EPB41L3: variants seen among roughly 807,000 people sequenced by gnomAD.
EPB41L3 encodes erythrocyte membrane protein band 4.1 like 3, also known as band 4.1-like protein 3.
EPB41L3 carries 57 observed loss-of-function variants against 127.1 expected under a neutral mutation model. The observed-to-expected ratio is 0.45, with a 90% CI of 0.36 to 0.56. EPB41L3 has a LOEUF of 0.56. Ranked by LOEUF, EPB41L3 falls within the 20% of genes least tolerant of loss-of-function variation. The pLI is 0.00. For missense variants in EPB41L3, 1,273 were observed against 1,372.2 expected (o/e 0.93, Z 1.14); for synonymous variants, 572 against 549.5 (o/e 1.04, Z -0.57).
At chr18:5,434,583 G>A in intron 6 of EPB41L3, among the ~76,000 whole-genome samples, 1 of 152,174 alleles carries the variant, frequency 6.6e-6, no homozygotes, top group East Asian at 1.9e-4. Context: ...GTGGTCCCAT[G>A]AGATTATAAT....
At chr18:5,629,954 C>G (rs1020557354), upstream of EPB41L3, among the ~76,000 whole-genome samples, 13 of 152,134 alleles carry the variant, frequency 8.5e-5, 1 homozygote, top group Non-Finnish European at 1.5e-4. Context: ...AGGAGTTGCC[C>G]GAGCGGAGAG....
At chr18:5,454,785 T>C (rs576444215) in intron 3 of EPB41L3, among the ~76,000 whole-genome samples, 3 of 152,392 alleles carry the variant, frequency 2.0e-5, no homozygotes, top group East Asian at 1.9e-4. Context: ...AACTACTTCC[T>C]GGTCTTGGTA....
chr18:5,596,703 T>C (rs1392416733), intron 3 of EPB41L3, among the ~76,000 whole-genome samples: 1 of 152,200 alleles, frequency 6.6e-6, no homozygotes, highest in African/African-American at 2.4e-5. Flanking sequence ...TTCCTCTAAA[T>C]GATAAATATC....
intron 1 of EPB41L3, among the ~76,000 whole-genome samples, chr18:5,524,647 A>G (rs977649813): frequency 2.6e-5 from 4 of 152,124 alleles, no homozygotes; most frequent in Non-Finnish European, 5.9e-5. Flanking sequence ...ACGTAATTCA[A>G]TCTCTCTTCT....
chr18:5,436,547 T>C (rs1041899168), intron 6 of EPB41L3, among the ~76,000 whole-genome samples: 2 of 151,818 alleles, frequency 1.3e-5, no homozygotes, highest in African/African-American at 2.4e-5. Flanking sequence ...TAGCTGGGAC[T>C]TCAGGCGCCC....
At chr18:5,525,328 G>A (rs2093178577) in intron 1 of EPB41L3, among the ~76,000 whole-genome samples, 2 of 152,178 alleles carry the variant, frequency 1.3e-5, no homozygotes, top group South Asian at 4.1e-4. Context: ...CCAGCACTGG[G>A]ATTTTGAAAC....
chr18:5,508,766 CAA>C (rs397969769), intron 1 of EPB41L3, among the ~76,000 whole-genome samples: 437 of 52,516 alleles, frequency 8.3e-3, no homozygotes, highest in African/African-American at 0.024. Flanking sequence ...GACTCCATCT[CAA>C]AAAAAAAAAA....
chr18:5,590,596 G>C (rs537464867), intron 3 of EPB41L3, among the ~76,000 whole-genome samples: 51 of 151,774 alleles, frequency 3.4e-4, no homozygotes, highest in Non-Finnish European at 6.5e-4. Context: ...AAACACACAT[G>C]TTGCACATGA....
chr18:5,553,892 C>T (rs948351783), intron 3 of EPB41L3, among the ~76,000 whole-genome samples: 5 of 152,186 alleles, frequency 3.3e-5, no homozygotes, highest in Non-Finnish European at 5.9e-5. Flanking sequence ...GTTATCTGCC[C>T]TCACCCCAAC....
In EPB41L3 at chr18:5,416,378, A is replaced by G. The variant is rs753296952; in HGVS notation, c.1507T>C (p.Ser503Pro). 1 of 1,609,390 alleles carries G rather than the reference A, an allele frequency of 6.2e-7. No homozygotes were observed. Among genetic ancestry groups the G allele is most frequent in the African/African-American group, 1.3e-5 (1 of 74,860 alleles). The change falls in exon 13 of 23, where the codon TCA becomes CCA. Residue 503 changes from serine (S) to proline (P), a missense_variant and splice_region_variant. By Grantham distance (74) the Ser-to-Pro change is moderately conservative. Coordinates refer to ENST00000341928, the MANE Select transcript of EPB41L3 (RefSeq NM_012307.5). ...PISAIRHEGK[S>P]PGLGTDSCPL... is the part of the protein sequence containing the mutation. ...CATGAGTCAGTGCCAAGCCCAGGTG[A>G]CTGATGTGAAAGAGACAGAAAGAGA...
intron 1 of EPB41L3, among the ~76,000 whole-genome samples, chr18:5,506,743 T>C (rs1598428062): frequency 6.6e-6 from 1 of 152,174 alleles, no homozygotes; most frequent in Non-Finnish European, 1.5e-5. Flanking sequence ...ATCTGCTGAA[T>C]GTATGAACTC....
At chr18:5,547,784 G>C (rs1442139497), upstream of EPB41L3, among the ~76,000 whole-genome samples, 3 of 152,122 alleles carry the variant, frequency 2.0e-5, no homozygotes, top group Non-Finnish European at 4.4e-5. Flanking sequence ...ATGAGTAACT[G>C]GTATTCTGCT....
chr18:5,529,928 A>ATGTATG (rs374864271), intron 1 of EPB41L3, among the ~76,000 whole-genome samples: 4 of 146,772 alleles, frequency 2.7e-5, no homozygotes, highest in African/African-American at 1.0e-4. Flanking sequence ...CAACTCATAT[A>ATGTATG]TGTGTGTGTG....
At chr18:5,593,561 A>G (rs2094506854) in intron 3 of EPB41L3, among the ~76,000 whole-genome samples, 1 of 152,206 alleles carries the variant, frequency 6.6e-6, no homozygotes, top group African/African-American at 2.4e-5. Context: ...CGAAATTAAA[A>G]TTGCTAATGA....
At chr18:5,443,447 C>T (rs905144284) in intron 5 of EPB41L3, among the ~76,000 whole-genome samples, 2 of 152,148 alleles carry the variant, frequency 1.3e-5, no homozygotes, top group African/African-American at 2.4e-5. Flanking sequence ...GAGGTTGTTA[C>T]CAGACAGTAA....
At chr18:5,394,909 C>T (rs1567954294) in intron 21 of EPB41L3, 116 bp from the exon 22 acceptor site, 13 of 1,192,708 alleles carry the variant, frequency 1.1e-5, no homozygotes, top group East Asian at 2.3e-5. Flanking sequence ...AAATGAGGTA[C>T]AATGATTACA....
At chr18:5,407,841 G>A (rs2075664301) in intron 14 of EPB41L3, 105 bp from the exon 15 acceptor site, 2 of 928,920 alleles carry the variant, frequency 2.2e-6, no homozygotes, top group African/African-American at 3.3e-5. Context: ...GCACGTGTAC[G>A]CTCTTGCATA....
chr18:5,595,714 G>A (rs1186765296), intron 3 of EPB41L3, among the ~76,000 whole-genome samples: 1 of 152,026 alleles, frequency 6.6e-6, no homozygotes, highest in Non-Finnish European at 1.5e-5. Context: ...TTAAAAAAAG[G>A]CAACTGTAGT....
chr18:5,434,978 G>C (rs1278781540), intron 6 of EPB41L3, among the ~76,000 whole-genome samples: 1 of 152,202 alleles, frequency 6.6e-6, no homozygotes, highest in Non-Finnish European at 1.5e-5. Context: ...GGCGGTGACA[G>C]TGATACTGAT....
Sources: gnomAD v4.1 joint callset for allele counts (sites outside exome capture counted in the v4.1 genomes callset) on GRCh38, gnomAD v4.1.1 for gene constraint, MANE v1.5 for transcripts, NCBI Gene and HGNC (gene_info 2026-07-23, HGNC 2026-07-21) for gene names.